CBLC: variants seen among roughly 807,000 people sequenced by gnomAD.
CBLC encodes E3 ubiquitin-protein ligase CBL-C.
CBLC carries 46 observed loss-of-function variants against 58.6 expected under a neutral mutation model. That is an observed-to-expected ratio of 0.79 (90% CI 0.62 to 1.00). The LOEUF (loss-of-function observed/expected upper bound fraction) is 1.00, where lower values mean the gene tolerates loss of function less well. Among genes scored for constraint, CBLC ranks in the 50% least tolerant of loss-of-function variants. The pLI, the probability that CBLC is intolerant of heterozygous loss-of-function variation, is 0.00. For synonymous variants in CBLC, 271 were observed against 264.2 expected (o/e 1.03, Z -0.25); for missense variants, 655 against 625.8 (o/e 1.05, Z -0.50).
At chr19:44,789,666 C>T (rs1240991573) in intron 5 of CBLC, among the ~76,000 whole-genome samples, 3 of 152,200 alleles carry the variant, frequency 2.0e-5, no homozygotes, top group African/African-American at 4.8e-5. Flanking sequence ...GCTGGGATTA[C>T]AGGCGTAAGC....
At chr19:44,796,177 T>G (rs572642056) in intron 9 of CBLC, among the ~76,000 whole-genome samples, 1 of 152,040 alleles carries the variant, frequency 6.6e-6, no homozygotes, top group East Asian at 2.0e-4. Context: ...ATCGCGCCAC[T>G]GCACTCCAGC....
chr19:44,793,826 A>AT (rs1968118046), intron 8 of CBLC, among the ~76,000 whole-genome samples: 4 of 118,318 alleles, frequency 3.4e-5, no homozygotes, highest in African/African-American at 1.7e-4. Flanking sequence ...AGGAGGGGCT[A>AT]GGGGCCTGGA....
chr19:44,780,195 C>T (rs999422957), intron 1 of CBLC, among the ~76,000 whole-genome samples: 5 of 151,182 alleles, frequency 3.3e-5, no homozygotes, highest in Non-Finnish European at 5.9e-5. Context: ...AGTGCAGTGG[C>T]GCAATTTTGA....
At chr19:44,800,279 T>C in intron 9 of CBLC, 102 bp from the exon 10 acceptor site, 3 of 795,320 alleles carry the variant, frequency 3.8e-6, no homozygotes, top group Non-Finnish European at 6.5e-6. Context: ...CCCCAGGTGG[T>C]CTGGGACTCC....
chr19:44,777,881 G>T (rs1967605919), upstream of CBLC: 4 of 1,440,140 alleles, frequency 2.8e-6, no homozygotes, highest in African/African-American at 4.4e-5. Context: ...TCTGGGCGAG[G>T]CCGCCCCTAT....
intron 10 of CBLC, 21 bp downstream of exon 10, chr19:44,800,471 T>C (rs751067514): frequency 6.5e-7 from 1 of 1,533,158 alleles, no homozygotes; most frequent in Non-Finnish European, 9.0e-7. Flanking sequence ...TCCCTAACCC[T>C]CCCTGGCCCA....
At position 44,784,950 on chromosome 19, in the gene CBLC, GTTTTTTTTT is replaced by G. The variant is rs58171575; in HGVS notation, c.917+580_917+588del. 9.7e-3 allele frequency among the ~76,000 whole-genome samples: 332 copies of G among 34,372 alleles called. 20 individuals carry two copies. Among genetic ancestry groups the G allele is most frequent in the African/African-American group, 0.027 (313 of 11,754 alleles). The allele number at this position is 34,372 out of a possible 152,430, so 22.5% of individuals were successfully genotyped here. On this transcript the variant is annotated intron_variant, in intron 5 of 10. Coordinates refer to ENST00000647358, the MANE Select transcript of CBLC (RefSeq NM_012116.4). ...GAACTGGAGAACTTGCTAGACAGGT[GTTTTTTTTT>G]TTTTTTTTTTTTTTTTTTTTTTTTT...
In CBLC at chr19:44,785,163, G is replaced by A. The variant is rs1967865408; in HGVS notation, c.917+762G>A. Among the ~76,000 whole-genome samples, 3 of 151,054 alleles carry A rather than the reference G, an allele frequency of 2.0e-5. No individual in the cohort carries two copies. In the Admixed American group the frequency reaches 2.0e-4, roughly 10 times the overall value. On this transcript the variant is annotated intron_variant, in intron 5 of 10. Coordinates refer to ENST00000647358, the MANE Select transcript of CBLC (RefSeq NM_012116.4). ...ATTTTTTGTGTGTGTTTTTAGTAGA[G>A]ACAGGGTTTCACCATGTTGGTCAGG...
intron 9 of CBLC, 106 bp from the exon 10 acceptor site, chr19:44,800,275 G>A: frequency 1.3e-6 from 1 of 753,048 alleles, no homozygotes; most frequent in Non-Finnish European, 2.3e-6. Flanking sequence ...CAGCCCCCAG[G>A]TGGTCTGGGA....
chr19:44,787,690 G>A lies in CBLC; in HGVS notation c.918-2314G>A, dbSNP rs146994906. On this transcript the variant is annotated intron_variant, in intron 5 of 10. Coordinates refer to ENST00000647358, the MANE Select transcript of CBLC (RefSeq NM_012116.4). ...AAATTAACCAGGCATGGTGGCAGGC[G>A]CCTGTAATTCCAGCTACTTGGGAGG... Among the ~76,000 whole-genome samples the A allele has an allele frequency of 1.3e-3, 192 of 151,266 alleles. 3 individuals carry two copies. The East Asian group carries it at 0.036, about 29-fold the overall frequency.
intron 7 of CBLC, among the ~76,000 whole-genome samples, chr19:44,792,920 G>A (rs1321508249): frequency 1.3e-5 from 2 of 152,100 alleles, no homozygotes; most frequent in Non-Finnish European, 1.5e-5. Flanking sequence ...GCCGGGGTGG[G>A]TGGATCACTT....
intron 5 of CBLC, among the ~76,000 whole-genome samples, chr19:44,787,716 G>C (rs1749496199): frequency 6.7e-6 from 1 of 150,340 alleles, no homozygotes; most frequent in African/African-American, 2.4e-5. Context: ...ACTTGGGAGG[G>C]TGAGGCAAGA....
Position 44,781,003 on chromosome 19 carries a change from T to C in CBLC, c.452T>C (p.Leu151Pro). 4 of 1,613,440 alleles carry C rather than the reference T, an allele frequency of 2.5e-6. No individual in the cohort carries two copies. The highest frequency in any genetic ancestry group is 3.4e-6 in the Non-Finnish European group (4 of 1,179,982). Residue 151 changes from leucine to proline, a missense_variant, in exon 2 of 11, where the codon CTC (leucine) becomes CCC (proline). By Grantham distance (98) the Leu-to-Pro change is moderately conservative (BLOSUM62 -3). Coordinates refer to ENST00000647358, the MANE Select transcript of CBLC (RefSeq NM_012116.4). ...AAGTACTGTGGACACATGTACCAGC[T>C]CACCAAGGCCCCCGCCCACACCTTC... is the stretch of plus-strand genomic sequence containing the variant. ...GGKYCGHMYQ[L>P]TKAPAHTFWR... is the part of the protein sequence containing the mutation.
chr19:44,794,249 C>G lies in CBLC; in HGVS notation c.1330C>G (p.Pro444Ala), dbSNP rs1280385353. ...PPLPPRPDLP[P>A]RKPRNAQPKV... ...ATTGCCCCCACGGCCAGATCTGCCC[C>G]CCAGGAAGCCCAGAAATGCCCAGCC... Residue 444 changes from proline to alanine, a missense_variant, in exon 9 of 11, where the codon CCC becomes GCC. This residue lies in a region of CBLC where 371 missense variants were observed against 370.8 expected (regional missense o/e 1.00). Coordinates refer to ENST00000647358, the MANE Select transcript of CBLC (RefSeq NM_012116.4). 6.2e-7 allele frequency: 1 copy of G among 1,613,106 alleles called. No individual in the cohort carries two copies. The highest frequency in any genetic ancestry group is 1.7e-5 in the Admixed American group (1 of 59,934).
At chr19:44,780,876 A>G in intron 1 of CBLC, 29 bp from the exon 2 acceptor site, 1 of 1,605,004 alleles carries the variant, frequency 6.2e-7, no homozygotes, top group South Asian at 1.1e-5. Flanking sequence ...AGCCCCAAGG[A>G]TAGCCAGAGT....
chr19:44,791,662 G>A (rs1398155700), intron 6 of CBLC, among the ~76,000 whole-genome samples: 2 of 151,050 alleles, frequency 1.3e-5, no homozygotes, highest in African/African-American at 4.9e-5. Flanking sequence ...GAACCTGGAG[G>A]CAAAGGTTGC....
At chr19:44,788,048 C>T (rs936908482) in intron 5 of CBLC, among the ~76,000 whole-genome samples, 6 of 152,128 alleles carry the variant, frequency 3.9e-5, no homozygotes, top group Admixed American at 2.0e-4. Flanking sequence ...CCTCCCTCTT[C>T]GGCCTCCCAA....
At chr19:44,788,031 A>G (rs1330882899) in intron 5 of CBLC, among the ~76,000 whole-genome samples, 1 of 151,892 alleles carries the variant, frequency 6.6e-6, no homozygotes, top group Non-Finnish European at 1.5e-5. Flanking sequence ...TGCTGGGCTC[A>G]AGCGACCCTC....
chr19:44,782,838 A>T (rs1233744600), intron 4 of CBLC, among the ~76,000 whole-genome samples: 1 of 152,114 alleles, frequency 6.6e-6, no homozygotes, highest in Admixed American at 6.6e-5. Context: ...TTGGCATAGG[A>T]GACTGAAAAA....
Sources: gnomAD v4.1 joint callset for allele counts (sites outside exome capture counted in the v4.1 genomes callset) on GRCh38, gnomAD v4.1.1 for gene constraint, gnomAD v4.1.1 regional missense constraint, MANE v1.5 for transcripts, NCBI Gene and HGNC (gene_info 2026-07-23, HGNC 2026-07-21) for gene names.